The following GALNT17 variants were observed in gnomAD, a reference collection of about 807,000 sequenced individuals.
The protein encoded by GALNT17 is UDP-GalNAc:polypeptide N-acetylgalactosaminyltransferase-like 3.
Under a neutral mutation model 63.7 loss-of-function variants are expected in GALNT17, and 29 were observed. The observed-to-expected ratio is 0.46, with a 90% CI of 0.34 to 0.62. The LOEUF is 0.62. Among genes scored for constraint, GALNT17 ranks in the 20% least tolerant of loss-of-function variants. The pLI, the probability that GALNT17 is intolerant of heterozygous loss-of-function variation, is 0.01. For missense variants in GALNT17, 603 were observed against 799.6 expected (o/e 0.75, Z 2.97); for synonymous variants, 305 against 318.3 (o/e 0.96, Z 0.45).
intron 6 of GALNT17, among the ~76,000 whole-genome samples, chr7:71,584,421 T>C (rs1789684579): frequency 1.3e-5 from 2 of 152,214 alleles, no homozygotes; most frequent in South Asian, 4.1e-4. Flanking sequence ...TTAACAAATA[T>C]TAACATTTTG....
At chr7:71,232,590 GA>G (rs1789811812) in intron 1 of GALNT17, among the ~76,000 whole-genome samples, 1 of 152,148 alleles carries the variant, frequency 6.6e-6, no homozygotes, top group Non-Finnish European at 1.5e-5. Context: ...GCTCAGGAAA[GA>G]ATTCAAGAGT....
intron 1 of GALNT17, among the ~76,000 whole-genome samples, chr7:71,165,569 C>G (rs1407418962): frequency 6.6e-6 from 1 of 152,170 alleles, no homozygotes; most frequent in African/African-American, 2.4e-5. Flanking sequence ...CCGGAAAGAT[C>G]TGCCCCCATG....
intron 1 of GALNT17, among the ~76,000 whole-genome samples, chr7:71,247,432 T>C (rs1790119050): frequency 6.6e-6 from 1 of 152,114 alleles, no homozygotes; most frequent in South Asian, 2.1e-4. Flanking sequence ...TTCAGGCTCC[T>C]AGAAACTTCA....
intron 5 of GALNT17, among the ~76,000 whole-genome samples, chr7:71,491,652 A>G (rs895441581): frequency 6.6e-6 from 1 of 152,148 alleles, no homozygotes; most frequent in Admixed American, 6.6e-5. Flanking sequence ...TTTGGATCTA[A>G]ACCAGCTGTT....
chr7:71,593,065 C>A (rs148039479), intron 6 of GALNT17, among the ~76,000 whole-genome samples: 1 of 152,052 alleles, frequency 6.6e-6, no homozygotes, highest in African/African-American at 2.4e-5. Flanking sequence ...GGGAGGATTG[C>A]TTGAGCCTCA....
At chr7:71,338,043 C>A (rs1201269446) in intron 2 of GALNT17, among the ~76,000 whole-genome samples, 2 of 151,696 alleles carry the variant, frequency 1.3e-5, no homozygotes, top group Non-Finnish European at 2.9e-5. Context: ...CTACAAAAAA[C>A]CTAAAAATTG....
chr7:71,341,795 C>T (rs1792009732), intron 2 of GALNT17, among the ~76,000 whole-genome samples: 1 of 152,168 alleles, frequency 6.6e-6, no homozygotes, highest in African/African-American at 2.4e-5. Flanking sequence ...CAAGCACATG[C>T]TCCAGCAAAA....
At chr7:71,601,871 G>A (rs1789971570) in intron 6 of GALNT17, among the ~76,000 whole-genome samples, 1 of 152,226 alleles carries the variant, frequency 6.6e-6, no homozygotes, top group Non-Finnish European at 1.5e-5. Flanking sequence ...GAGAGTCCAA[G>A]AAGCATGGAA....
chr7:71,660,053 G>T (rs1453171231), intron 6 of GALNT17, among the ~76,000 whole-genome samples: 2 of 152,168 alleles, frequency 1.3e-5, no homozygotes, highest in African/African-American at 4.8e-5. Flanking sequence ...TCCCTTGCTA[G>T]ATTATCCACT....
intron 5 of GALNT17, among the ~76,000 whole-genome samples, chr7:71,474,302 A>C (rs140843172): frequency 1.1e-4 from 16 of 152,270 alleles, no homozygotes; most frequent in African/African-American, 3.6e-4. Flanking sequence ...TTTTATCAGC[A>C]AAATTTTTTT....
At chr7:71,485,782 G>A (rs1403478653) in intron 5 of GALNT17, among the ~76,000 whole-genome samples, 4 of 152,160 alleles carry the variant, frequency 2.6e-5, no homozygotes, top group Non-Finnish European at 5.9e-5. Context: ...AAATTCAGTT[G>A]TAATCCATCC....
intron 6 of GALNT17, among the ~76,000 whole-genome samples, chr7:71,576,529 T>TGTGTGTGTGTG (rs1789539654): frequency 1.4e-5 from 2 of 142,814 alleles, no homozygotes; most frequent in African/African-American, 5.2e-5. Context: ...TTTTTTAACT[T>TGTGTGTGTGTG]TGTGTGTGTG....
intron 1 of GALNT17, among the ~76,000 whole-genome samples, chr7:71,264,586 G>A (rs1790453225): frequency 2.6e-5 from 4 of 152,134 alleles, no homozygotes; most frequent in Admixed American, 2.6e-4. Context: ...TAAGTGTCCA[G>A]CAACAGAGGA....
intron 1 of GALNT17, among the ~76,000 whole-genome samples, chr7:71,238,662 C>G (rs1789939102): frequency 6.6e-6 from 1 of 152,138 alleles, no homozygotes; most frequent in Admixed American, 6.5e-5. Flanking sequence ...GAAATGGTGC[C>G]TCTCTCTGTG....
chr7:71,541,136 C>A lies in GALNT17; in HGVS notation c.963-30149C>A, dbSNP rs1232267731. Among the ~76,000 whole-genome samples, 4 of 151,782 alleles carry A rather than the reference C, an allele frequency of 2.6e-5. No individual in the cohort carries two copies. The South Asian group carries it at 8.3e-4, about 32-fold the overall frequency. ...GTGTATACCTGTAATCCCAACTACT[C>A]GGTAGGCTAAGGCAGGAGAATCACT... On this transcript the variant is annotated intron_variant, in intron 5 of 10. Transcript: ENST00000333538.
At chr7:71,665,720 C>T in intron 7 of GALNT17, 124 bp downstream of exon 7, 1 of 1,106,998 alleles carries the variant, frequency 9.0e-7, no homozygotes, top group Non-Finnish European at 1.3e-6. Flanking sequence ...ATTATGAATG[C>T]ATTTCAAAGG....
intron 6 of GALNT17, among the ~76,000 whole-genome samples, chr7:71,611,312 T>C (rs1428734886): frequency 2.0e-5 from 3 of 152,196 alleles, no homozygotes; most frequent in African/African-American, 7.2e-5. Context: ...TCAAGGCCCA[T>C]TCCACGTGGA....
intron 2 of GALNT17, among the ~76,000 whole-genome samples, chr7:71,351,963 T>G (rs1250805969): frequency 1.3e-5 from 2 of 152,106 alleles, no homozygotes; most frequent in Non-Finnish European, 2.9e-5. Context: ...TGGAGGATAG[T>G]GCTAGTAGGA....
chr7:71,277,965 GGA>G (rs1173217941), intron 1 of GALNT17, among the ~76,000 whole-genome samples: 1 of 152,148 alleles, frequency 6.6e-6, no homozygotes, highest in East Asian at 1.9e-4. Flanking sequence ...GCTTGTGTTT[GGA>G]GCCTAAGATA....
Sources: gnomAD v4.1 joint callset for allele counts (sites outside exome capture counted in the v4.1 genomes callset) on GRCh38, gnomAD v4.1.1 for gene constraint, MANE v1.5 for transcripts, NCBI Gene and HGNC (gene_info 2026-07-23, HGNC 2026-07-21) for gene names.